Variants in NAA35 observed in about 807,000 individuals in gnomAD.
NAA35 encodes N-alpha-acetyltransferase 35, NatC auxiliary subunit.
NAA35 carries 18 observed loss-of-function variants against 101.7 expected under a neutral mutation model. That is an observed-to-expected ratio of 0.18 (90% CI 0.12 to 0.26). NAA35 has a LOEUF of 0.26. NAA35 is among the 10% of genes least tolerant of loss of function. The probability of loss-of-function intolerance (pLI) is 1.00; values close to 1 mark genes in which losing one functional copy is unlikely to be tolerated. For synonymous variants in NAA35, 267 were observed against 273.1 expected (o/e 0.98, Z 0.22); for missense variants, 601 against 886.8 (o/e 0.68, Z 4.09).
At position 85,994,531 on chromosome 9, in the gene NAA35, A is replaced by G. The variant is rs372354036; in HGVS notation, c.878-1868A>G. Among the ~76,000 whole-genome samples, 247 of 152,366 alleles carry G rather than the reference A, an allele frequency of 1.6e-3. 1 individual carries two copies. The highest frequency in any genetic ancestry group is 3.8e-3 in the African/African-American group (157 of 41,590). On this transcript the variant is annotated intron_variant, in intron 11 of 22. Transcript: ENST00000361671. Reference sequence around the variant, plus strand: ...TATGTTGTTTTCCAGAATTCCTTCCAATTTAAGGGCAGCCAAAACTCGTTA... The same window carrying G: ...TATGTTGTTTTCCAGAATTCCTTCCGATTTAAGGGCAGCCAAAACTCGTTA...
chr9:86,012,564 T>C (rs1831993372), intron 15 of NAA35, among the ~76,000 whole-genome samples: 1 of 152,210 alleles, frequency 6.6e-6, no homozygotes, highest in African/African-American at 2.4e-5. Context: ...AATCCATGTC[T>C]CTTGCCTGGT....
chr9:85,946,886 T>C (rs557126175), intron 2 of NAA35, among the ~76,000 whole-genome samples: 13 of 152,344 alleles, frequency 8.5e-5, no homozygotes, highest in South Asian at 2.1e-4. Flanking sequence ...CTTAGTACTT[T>C]AGGAAAATTC....
At chr9:86,013,302 A>G (rs982456788) in intron 16 of NAA35, among the ~76,000 whole-genome samples, 158 bp downstream of exon 16, 1 of 152,252 alleles carries the variant, frequency 6.6e-6, no homozygotes, top group Non-Finnish European at 1.5e-5. Context: ...CGTTTACAAA[A>G]TGAAACAGAA....
chr9:85,969,270 CA>C (rs61275261), intron 6 of NAA35, among the ~76,000 whole-genome samples: 33,217 of 105,606 alleles, frequency 0.31, 4,377 homozygotes, highest in African/African-American at 0.45. Flanking sequence ...CCTGGTATGT[CA>C]AAAAAAAAAA....
intron 12 of NAA35, among the ~76,000 whole-genome samples, chr9:86,000,495 G>A (rs878890654): frequency 6.6e-6 from 1 of 151,822 alleles, no homozygotes; most frequent in African/African-American, 2.4e-5. Flanking sequence ...TGTACATCTG[G>A]TAGAATTCAC....
At chr9:85,999,078 A>G (rs1041001647) in intron 12 of NAA35, among the ~76,000 whole-genome samples, 4 of 152,194 alleles carry the variant, frequency 2.6e-5, no homozygotes, top group Non-Finnish European at 5.9e-5. Flanking sequence ...TTCACTGATT[A>G]TGCCTTTAAT....
chr9:85,963,839 C>T (rs1425946568), intron 6 of NAA35, among the ~76,000 whole-genome samples: 1 of 152,158 alleles, frequency 6.6e-6, no homozygotes, highest in Non-Finnish European at 1.5e-5. Context: ...TTGAAAGTTA[C>T]TTTATCATCA....
At chr9:85,990,983 C>T (rs891460268) in intron 11 of NAA35, among the ~76,000 whole-genome samples, 4 of 152,160 alleles carry the variant, frequency 2.6e-5, no homozygotes, top group African/African-American at 7.2e-5. Context: ...TTGAGAGCAT[C>T]ACTGTGAATC....
At chr9:85,977,503 T>G in intron 10 of NAA35, 57 bp downstream of exon 10, 1 of 1,226,194 alleles carries the variant, frequency 8.2e-7, no homozygotes, top group Non-Finnish European at 1.2e-6. Flanking sequence ...CTGGAATTCC[T>G]GAGTGAAGCA....
At chr9:85,990,046 G>C (rs1459282616) in intron 11 of NAA35, among the ~76,000 whole-genome samples, 1 of 152,178 alleles carries the variant, frequency 6.6e-6, no homozygotes, top group Non-Finnish European at 1.5e-5. Context: ...TTTAAAAGAG[G>C]TTTACTTAGC....
intron 11 of NAA35, among the ~76,000 whole-genome samples, chr9:85,995,600 T>G (rs184711005): frequency 4.3e-4 from 66 of 152,282 alleles, no homozygotes; most frequent in Non-Finnish European, 5.4e-4. Context: ...ACAACAGCTA[T>G]TCAGCTTTAA....
At chr9:85,967,412 C>A (rs1012549761) in intron 6 of NAA35, among the ~76,000 whole-genome samples, 1 of 151,956 alleles carries the variant, frequency 6.6e-6, no homozygotes, top group Admixed American at 6.6e-5. Flanking sequence ...CTGTTTTCTT[C>A]GTTTTGCTAA....
rs368395251 is a variant in NAA35 at position 85,952,593 on chromosome 9, G to A, written c.125-3767G>A. The stretch of plus-strand genomic sequence containing the variant: ...AGCCATTGTGCCTGGCTGTGCAAGT[G>A]TTTTTTTTCCCAAGACAACTATTTT... On this transcript the variant is annotated intron_variant, in intron 2 of 22. Coordinates refer to ENST00000361671, the MANE Select transcript of NAA35 (RefSeq NM_024635.4). 1.3e-3 allele frequency among the ~76,000 whole-genome samples: 191 copies of A among 151,614 alleles called. 4 individuals carry two copies. The South Asian group carries it at 0.034, about 27-fold the overall frequency.
chr9:85,942,327 T>C, intron 2 of NAA35, 44 bp downstream of exon 2: 4 of 1,601,054 alleles, frequency 2.5e-6, no homozygotes, highest in Non-Finnish European at 3.4e-6. Context: ...CTGGAAGGGG[T>C]AGAATGACGA....
At chr9:86,018,045 G>C (rs1286400026) in intron 19 of NAA35, among the ~76,000 whole-genome samples, 1 of 152,214 alleles carries the variant, frequency 6.6e-6, no homozygotes, top group East Asian at 1.9e-4. Context: ...GAAATCATTT[G>C]AGGTGACTCA....
intron 5 of NAA35, among the ~76,000 whole-genome samples, chr9:85,960,154 C>G (rs1006943251): frequency 6.6e-6 from 1 of 152,002 alleles, no homozygotes; most frequent in African/African-American, 2.4e-5. Flanking sequence ...AGTGATAAGT[C>G]TGTAATTGGA....
At chr9:85,977,954 A>G in intron 10 of NAA35, among the ~76,000 whole-genome samples, 1 of 150,930 alleles carries the variant, frequency 6.6e-6, no homozygotes, top group Non-Finnish European at 1.5e-5. Context: ...TCCTACCTTG[A>G]TGAATGACAT....
intron 10 of NAA35, 129 bp downstream of exon 10, chr9:85,977,575 A>T (rs116190286): frequency 3.1e-6 from 2 of 646,512 alleles, no homozygotes; most frequent in Admixed American, 2.7e-5. Flanking sequence ...AGCATTTGGT[A>T]TATTTATACC....
chr9:85,965,230 A>G (rs1369141259), intron 6 of NAA35, among the ~76,000 whole-genome samples: 4 of 152,258 alleles, frequency 2.6e-5, no homozygotes, highest in African/African-American at 9.6e-5. Flanking sequence ...ACCTGTGTAC[A>G]AGGATATTAC....
Sources: gnomAD v4.1 joint callset for allele counts (sites outside exome capture counted in the v4.1 genomes callset) on GRCh38, gnomAD v4.1.1 for gene constraint, MANE v1.5 for transcripts, NCBI Gene and HGNC (gene_info 2026-07-23, HGNC 2026-07-21) for gene names.